Variants in PDE1C observed in about 807,000 individuals in gnomAD.
The protein encoded by PDE1C is dual specificity calcium/calmodulin-dependent 3',5'-cyclic nucleotide phosphodiesterase 1C.
A neutral mutation model predicts 93.1 loss-of-function variants in PDE1C; 62 were observed. The ratio of observed to expected loss-of-function variants is 0.67; its 90% confidence interval spans 0.54 to 0.82. PDE1C has a LOEUF of 0.82. Among genes scored for constraint, PDE1C ranks in the 40% least tolerant of loss-of-function variants. PDE1C has a pLI of 0.00. For synonymous variants in PDE1C, 325 were observed against 310.1 expected, an observed-to-expected ratio of 1.05 and a Z score of -0.50; for missense variants, 742 against 884.6, an observed-to-expected ratio of 0.84 and a Z score of 2.04.
intron 3 of PDE1C, among the ~76,000 whole-genome samples, chr7:32,158,766 TAC>T (rs1801730855): frequency 6.6e-6 from 1 of 152,200 alleles, no homozygotes; most frequent in Non-Finnish European, 1.5e-5. Flanking sequence ...TAAAAATATA[TAC>T]AGTCTCCTTT....
At chr7:32,087,647 T>C (rs1165032442) in intron 3 of PDE1C, among the ~76,000 whole-genome samples, 4 of 152,150 alleles carry the variant, frequency 2.6e-5, no homozygotes, top group African/African-American at 4.8e-5. Flanking sequence ...GTGGCACATA[T>C]ACACCATGGA....
intron 1 of PDE1C, among the ~76,000 whole-genome samples, chr7:32,333,805 AT>A (rs916911563): frequency 1.7e-4 from 26 of 152,326 alleles, no homozygotes; most frequent in Non-Finnish European, 2.5e-4. Flanking sequence ...AATGTAGCAG[AT>A]TTTTAACCTT....
chr7:31,619,803 GC>G, the PDE1C span, among the ~76,000 whole-genome samples: 2 of 152,188 alleles, frequency 1.3e-5, no homozygotes, highest in African/African-American at 4.8e-5. Context: ...GCAGCGCGAG[GC>G]ATTGCCTCCC....
rs114647850 is a variant in PDE1C at position 32,108,738 on chromosome 7, T to C, written c.308+61047A>G. On this transcript the variant is annotated intron_variant, in intron 3 of 18. Transcript: ENST00000396193. ...GTTCATGATTTGGAAAATCTAGCCA[T>C]GGTTTCCTCCTGAATTTCACATTGC... Among the ~76,000 whole-genome samples the C allele has an allele frequency of 5.1e-3, 783 of 152,338 alleles. 5 individuals carry two copies. Among genetic ancestry groups the C allele is most frequent in the African/African-American group, 0.018 (758 of 41,578 alleles).
chr7:32,341,613 G>C (rs1006575409), intron 1 of PDE1C, among the ~76,000 whole-genome samples: 4 of 152,234 alleles, frequency 2.6e-5, no homozygotes, highest in African/African-American at 7.2e-5. Flanking sequence ...TTGGGAACTC[G>C]GGAGTGGGCA....
the PDE1C span, among the ~76,000 whole-genome samples, chr7:31,637,049 T>A: frequency 6.6e-6 from 1 of 152,000 alleles, no homozygotes; most frequent in Non-Finnish European, 1.5e-5. Flanking sequence ...TCCATGTCCC[T>A]ACAAAGGACA....
At chr7:32,260,392 T>C (rs111255869) in intron 1 of PDE1C, among the ~76,000 whole-genome samples, 252 of 152,366 alleles carry the variant, frequency 1.7e-3, no homozygotes, top group Middle Eastern at 6.8e-3. Context: ...TATTCACGAC[T>C]GCCCTGAGCA....
chr7:31,872,427 T>C (rs1037948357), intron 6 of PDE1C, among the ~76,000 whole-genome samples: 2 of 152,116 alleles, frequency 1.3e-5, no homozygotes, highest in African/African-American at 2.4e-5. Context: ...ATGCGGGTAA[T>C]GGACACCCCA....
At chr7:32,370,654 G>C (rs1250334574) in intron 1 of PDE1C, among the ~76,000 whole-genome samples, 1 of 151,882 alleles carries the variant, frequency 6.6e-6, no homozygotes, top group Non-Finnish European at 1.5e-5. Context: ...GGGGGAAGGG[G>C]GAGGGATAGC....
intron 2 of PDE1C, among the ~76,000 whole-genome samples, chr7:32,189,113 GA>G (rs1263654856): frequency 6.6e-6 from 1 of 152,122 alleles, no homozygotes; most frequent in African/African-American, 2.4e-5. Context: ...TGGTGCAGTG[GA>G]TCACTATATA....
intron 1 of PDE1C, among the ~76,000 whole-genome samples, chr7:32,227,785 C>T (rs866232216): frequency 1.3e-5 from 2 of 152,276 alleles, no homozygotes; most frequent in Middle Eastern, 3.4e-3. Flanking sequence ...ATTGCTACTC[C>T]CACCTTGCTC....
At chr7:32,409,324 G>T (rs1374429794) in intron 1 of PDE1C, among the ~76,000 whole-genome samples, 1 of 152,132 alleles carries the variant, frequency 6.6e-6, no homozygotes, top group Non-Finnish European at 1.5e-5. Flanking sequence ...TTGAGCCATT[G>T]CACCCCAGCC....
chr7:32,299,022 A>T, exon 1 of PDE1C: 1 of 1,213,506 alleles, frequency 8.2e-7, no homozygotes, highest in Non-Finnish European at 1.0e-6. Flanking sequence ...GGAAGGGAGG[A>T]CGCGCGCCCG....
At chr7:31,945,636 C>A (rs1293798526) in intron 2 of PDE1C, among the ~76,000 whole-genome samples, 1 of 152,112 alleles carries the variant, frequency 6.6e-6, no homozygotes, top group Non-Finnish European at 1.5e-5. Context: ...ATATGATAAG[C>A]CTAAATGGTG....
At chr7:32,195,946 T>C (rs1562567977) in intron 2 of PDE1C, among the ~76,000 whole-genome samples, 1 of 152,142 alleles carries the variant, frequency 6.6e-6, no homozygotes. Context: ...CTACTGACAC[T>C]GTGTATGGAA....
Position 32,070,340 on chromosome 7 carries a change from G to T in PDE1C, c.54C>A (p.Tyr18Ter), listed in dbSNP as rs1795892527. The T allele has an allele frequency of 6.2e-7, 1 of 1,614,116 alleles. No individual in the cohort carries two copies. The highest frequency in any genetic ancestry group is 1.3e-5 in the African/African-American group (1 of 74,948). Residue 18 changes from tyrosine to a stop codon, truncating the protein, a stop_gained, in exon 1 of 18, where the codon TAC becomes TAA. Transcript: ENST00000396191. LOFTEE classifies it high-confidence loss of function. ...TTTTCTCGATCTGTTCCGGTTGCAG[G>T]TATTTCAGAGAGTTGCTCTCAAATT... ...IEEFESNSLKYLQPEQIEKIW... is the reference protein window; with the variant it reads ...IEEFESNSLK
chr7:32,227,708 C>A (rs1807396535), intron 1 of PDE1C, among the ~76,000 whole-genome samples: 1 of 152,172 alleles, frequency 6.6e-6, no homozygotes, highest in Admixed American at 6.5e-5. Context: ...ATGTCACCAA[C>A]AAAATACTGT....
intron 16 of PDE1C, among the ~76,000 whole-genome samples, chr7:31,808,607 G>A (rs891121055): frequency 6.6e-6 from 1 of 151,618 alleles, no homozygotes; most frequent in Non-Finnish European, 1.5e-5. Flanking sequence ...ACAAAAATAA[G>A]AACTAGTTCA....
the PDE1C span, among the ~76,000 whole-genome samples, chr7:31,660,095 G>A: frequency 6.6e-6 from 1 of 152,084 alleles, no homozygotes; most frequent in African/African-American, 2.4e-5. Flanking sequence ...AGAAGGACAT[G>A]TTTGCTTCAC....
Sources: gnomAD v4.1 joint callset for allele counts (sites outside exome capture counted in the v4.1 genomes callset) on GRCh38, gnomAD v4.1.1 for gene constraint, MANE v1.5 for transcripts, NCBI Gene and HGNC (gene_info 2026-07-23, HGNC 2026-07-21) for gene names.